The following MRE11 variants were observed in gnomAD, a reference collection of about 807,000 sequenced individuals.
MRE11 encodes the protein double-strand break repair protein MRE11.
MRE11 carries 62 observed loss-of-function variants against 91.7 expected under a neutral mutation model. The ratio of observed to expected loss-of-function variants is 0.68; its 90% CI spans 0.55 to 0.84. The LOEUF is 0.84. MRE11 is among the 40% of genes least tolerant of loss of function. The probability of loss-of-function intolerance (pLI) is 0.00; values close to 1 mark genes in which losing one functional copy is unlikely to be tolerated. For missense variants in MRE11, 796 were observed against 852.9 expected, an observed-to-expected ratio of 0.93 and a Z score of 0.83; for synonymous variants, 273 against 271.4, an observed-to-expected ratio of 1.01 and a Z score of -0.06.
intron 4 of MRE11, among the ~76,000 whole-genome samples, chr11:94,484,490 T>C (rs659349): frequency 0.41 from 62,488 of 151,992 alleles, 13,090 homozygotes; most frequent in South Asian, 0.54. Flanking sequence ...CTTATGTCCA[T>C]CAGAAGTGGA....
At chr11:94,432,050 G>A (rs529935808) in intron 18 of MRE11, among the ~76,000 whole-genome samples, 2 of 152,018 alleles carry the variant, frequency 1.3e-5, no homozygotes, top group East Asian at 3.9e-4. Context: ...CTCAGAAAGG[G>A]GCCCTTACTT....
At chr11:94,505,937 T>A in the MRE11 span, among the ~76,000 whole-genome samples, 1 of 152,258 alleles carries the variant, frequency 6.6e-6, no homozygotes, top group East Asian at 1.9e-4. Context: ...AGTAACATGT[T>A]CTACAGGTTT....
Position 94,416,365 on chromosome 11 carries a change from G to A in MRE11, c.*3760C>T, listed in dbSNP as rs1254380451. Reference sequence around the variant, plus strand: ...GCAAGTTATATAAGCTGGTTCTTTAGATCAAACTAAAATTCTAGTATTTTC... The same window carrying A: ...GCAAGTTATATAAGCTGGTTCTTTAAATCAAACTAAAATTCTAGTATTTTC... On this transcript the variant is annotated 3_prime_UTR_variant, in exon 20 of 20. Transcript: ENST00000323929. The A allele has an allele frequency of 6.6e-6, 1 of 152,122 alleles. No homozygotes were observed. Among genetic ancestry groups the A allele is most frequent in the African/African-American group, 2.4e-5 (1 of 41,410 alleles). The allele number at this position is 152,122 out of a possible 1,614,324, so 9.4% of individuals were successfully genotyped here.
intron 4 of MRE11, among the ~76,000 whole-genome samples, chr11:94,483,312 T>C (rs1947057954): frequency 6.6e-6 from 1 of 152,000 alleles, no homozygotes; most frequent in African/African-American, 2.4e-5. Context: ...AAAAATAATT[T>C]CTTAAAAATT....
At chr11:94,470,700 C>T in intron 8 of MRE11, 58 bp from the exon 9 acceptor site, 1 of 1,554,756 alleles carries the variant, frequency 6.4e-7, no homozygotes, top group East Asian at 2.3e-5. Context: ...GGGTGATGTG[C>T]AAACGAAAGC....
At chr11:94,460,369 T>A (rs1946383893) in intron 12 of MRE11, among the ~76,000 whole-genome samples, 1 of 152,226 alleles carries the variant, frequency 6.6e-6, no homozygotes, top group East Asian at 1.9e-4. Flanking sequence ...ACTTATGACG[T>A]AAGTTTCAGT....
At chr11:94,424,124 C>T (rs1250781578) in intron 19 of MRE11, among the ~76,000 whole-genome samples, 1 of 152,170 alleles carries the variant, frequency 6.6e-6, no homozygotes, top group African/African-American at 2.4e-5. Flanking sequence ...CCCAACCCCA[C>T]CACAGAGCAC....
At chr11:94,438,076 C>T (rs1331982164) in intron 16 of MRE11, among the ~76,000 whole-genome samples, 1 of 152,016 alleles carries the variant, frequency 6.6e-6, no homozygotes, top group Non-Finnish European at 1.5e-5. Context: ...TGCAGTGAGC[C>T]GAGATCGTGC....
At chr11:94,473,361 T>C (rs890893947) in intron 7 of MRE11, 1 of 152,156 alleles carries the variant, frequency 6.6e-6, no homozygotes, top group Non-Finnish European at 1.5e-5. Context: ...GGGAGGATGA[T>C]GCTGGTAGGC....
chr11:94,470,756 C>T, intron 8 of MRE11, 114 bp from the exon 9 acceptor site: 4 of 1,064,036 alleles, frequency 3.8e-6, no homozygotes, highest in African/African-American at 1.6e-5. Context: ...TAAAATCATA[C>T]TCTTAAAAAT....
At chr11:94,448,180 T>C (rs1945994113) in intron 14 of MRE11, among the ~76,000 whole-genome samples, 1 of 152,164 alleles carries the variant, frequency 6.6e-6, no homozygotes, top group Non-Finnish European at 1.5e-5. Context: ...CTTTTGTTTT[T>C]TGTTCTTGAA....
chr11:94,467,763 T>C (rs778112454), intron 10 of MRE11, 50 bp downstream of exon 10: 7 of 1,457,558 alleles, frequency 4.8e-6, no homozygotes, highest in Non-Finnish European at 6.7e-6. Context: ...AACTGTACAT[T>C]ACTATGCTTT....
rs368510394 is a variant in MRE11, at chr11:94,440,577, T to C, written c.1868-3342A>G. ...CTTTTCAATTGGGAAAATGTTAACA[T>C]TGGTTTTGAGAATCCTGAAGAAAAA... is the stretch of plus-strand genomic sequence containing the variant. On this transcript the variant is annotated intron_variant, in intron 16 of 19. Transcript: ENST00000323929. Among the ~76,000 whole-genome samples, 29 of 152,290 alleles carry C rather than the reference T, an allele frequency of 1.9e-4. No individual in the cohort carries two copies. The East Asian group carries it at 5.4e-3, about 28-fold the overall frequency.
At chr11:94,484,981 G>A (rs1306570562) in intron 4 of MRE11, among the ~76,000 whole-genome samples, 7 of 152,214 alleles carry the variant, frequency 4.6e-5, no homozygotes. Flanking sequence ...GGAGGCCAAG[G>A]CAGGTGGATT....
upstream of MRE11, chr11:94,498,207 C>T: frequency 6.2e-7 from 1 of 1,614,138 alleles, no homozygotes; most frequent in Non-Finnish European, 8.5e-7. Flanking sequence ...GCACAGGGGG[C>T]CGATGTTCAT....
At chr11:94,490,811 C>T (rs1402070099) in intron 3 of MRE11, 22 bp downstream of exon 3, 4 of 1,612,888 alleles carry the variant, frequency 2.5e-6, no homozygotes, top group African/African-American at 1.3e-5. Context: ...GTAGATAGTG[C>T]ACAAATACAA....
At chr11:94,454,081 T>A (rs958577815) in intron 14 of MRE11, among the ~76,000 whole-genome samples, 2 of 151,768 alleles carry the variant, frequency 1.3e-5, no homozygotes, top group African/African-American at 4.8e-5. Context: ...AGATTTTTTT[T>A]TTTTTTTTTT....
At chr11:94,426,734 C>T (rs1053506739) in intron 19 of MRE11, among the ~76,000 whole-genome samples, 6 of 152,002 alleles carry the variant, frequency 3.9e-5, no homozygotes, top group Non-Finnish European at 5.9e-5. Flanking sequence ...TTACAATTGA[C>T]CCCACAGAAA....
intron 7 of MRE11, 141 bp from the exon 8 acceptor site, chr11:94,471,900 G>A: frequency 1.4e-6 from 1 of 702,044 alleles, no homozygotes; most frequent in Non-Finnish European, 2.3e-6. Context: ...ACAGGATTGG[G>A]AATGTAAAGA....
Sources: allele counts gnomAD v4.1 joint callset (sites outside exome capture counted in the v4.1 genomes callset), GRCh38; gene constraint gnomAD v4.1.1; transcripts MANE v1.5; gene names NCBI Gene and HGNC (gene_info 2026-07-23, HGNC 2026-07-21).